GLI2: variants seen among roughly 807,000 people sequenced by gnomAD.
GLI2 encodes the protein GLI family zinc finger 2, also known as transcription activator GLI2.
Under a neutral mutation model 78.9 loss-of-function variants are expected in GLI2, and 22 were observed. The observed-to-expected ratio is 0.28, with a 90% CI of 0.20 to 0.40. The LOEUF is 0.40. Ranked by LOEUF, GLI2 falls within the 10% of genes least tolerant of loss-of-function variation. The pLI, the probability that GLI2 is intolerant of heterozygous loss-of-function variation, is 1.00. For synonymous variants in GLI2, 974 were observed against 963.7 expected (o/e 1.01, Z -0.20); for missense variants, 2,097 against 2,213.2 (o/e 0.95, Z 1.05).
chr2:120,771,427 G>A (rs1396736395), intron 1 of GLI2, among the ~76,000 whole-genome samples: 3 of 152,264 alleles, frequency 2.0e-5, no homozygotes, highest in African/African-American at 7.2e-5. Flanking sequence ...AATGACTGGT[G>A]AGGCTGGCTG....
intron 3 of GLI2, among the ~76,000 whole-genome samples, chr2:120,950,838 G>A (rs1038711632): frequency 6.6e-6 from 1 of 152,154 alleles, no homozygotes; most frequent in African/African-American, 2.4e-5. Flanking sequence ...CGTGGTATTC[G>A]TATTTTCATA....
At chr2:120,974,491 C>T (rs1056606498) in intron 8 of GLI2, among the ~76,000 whole-genome samples, 3 of 152,186 alleles carry the variant, frequency 2.0e-5, no homozygotes, top group African/African-American at 7.2e-5. Context: ...TCCTTCGCCT[C>T]ATTAAAATGG....
intron 2 of GLI2, among the ~76,000 whole-genome samples, chr2:120,896,219 C>T (rs961200624): frequency 6.6e-5 from 10 of 152,108 alleles, no homozygotes; most frequent in African/African-American, 2.2e-4. Flanking sequence ...CCCTTCTTTC[C>T]CCCACCCTCT....
intron 2 of GLI2, among the ~76,000 whole-genome samples, chr2:120,804,199 C>T (rs982324159): frequency 6.6e-6 from 1 of 152,216 alleles, no homozygotes; most frequent in Non-Finnish European, 1.5e-5. Context: ...AAAATCCCCT[C>T]CCACCACCTG....
chr2:120,829,161 C>T (rs903147404), intron 2 of GLI2, among the ~76,000 whole-genome samples: 9 of 152,202 alleles, frequency 5.9e-5, no homozygotes, highest in Non-Finnish European at 7.3e-5. Flanking sequence ...AGCACCCACA[C>T]GCACCCTTCA....
intron 1 of GLI2, among the ~76,000 whole-genome samples, chr2:120,768,828 T>TGTGTGC (rs1016876371): frequency 8.6e-5 from 13 of 150,414 alleles, no homozygotes; most frequent in African/African-American, 2.5e-4. Flanking sequence ...TGTGTGTGTG[T>TGTGTGC]GCGTGTGTGT....
intron 1 of GLI2, among the ~76,000 whole-genome samples, chr2:120,774,872 A>T (rs1259730298): frequency 6.6e-6 from 1 of 152,202 alleles, no homozygotes; most frequent in African/African-American, 2.4e-5. Flanking sequence ...ACACACTGTC[A>T]GCTGTTTGCC....
At chr2:120,971,149 C>T (rs983237101) in intron 7 of GLI2, among the ~76,000 whole-genome samples, 1 of 152,198 alleles carries the variant, frequency 6.6e-6, no homozygotes, top group African/African-American at 2.4e-5. Flanking sequence ...GGGATCCCAA[C>T]TTGCCTGAAA....
Position 120,989,292 on chromosome 2 carries a change from A to C in GLI2, c.3327A>C (p.Gly1109=). The part of the protein sequence containing the change: ...NVGPSAPMLG[G]CQLGFGAPSS... ...GCCCCTCCGCCCCTATGCTGGGAGG[A>C]TGCCAGTTAGGCTTTGGGGCGCCCT... Residue 1109 remains glycine (G), a synonymous_variant, in exon 14 of 14, where the codon GGA becomes GGC. Coordinates refer to ENST00000361492, the MANE Select transcript of GLI2 (RefSeq NM_001374353.1). 1 of 1,613,054 alleles carries C rather than the reference A, an allele frequency of 6.2e-7. No homozygotes were observed. Among genetic ancestry groups the C allele is most frequent in the Non-Finnish European group, 8.5e-7 (1 of 1,180,008 alleles).
chr2:120,974,785 TG>T lies in GLI2; in HGVS notation c.1183-189del. The T allele has an allele frequency of 5.7e-6, 4 of 700,776 alleles. No homozygotes were observed. The South Asian group carries it at 6.4e-5, about 11-fold the overall frequency. The allele number at this position is 700,776 out of a possible 1,614,324, so 43.4% of individuals were successfully genotyped here. On this transcript the variant is annotated intron_variant, in intron 8 of 13. Transcript: ENST00000361492. ...GGAGCTAAAAAGGCTGATGAGTGTG[TG>T]TGTGTGTGTGTGTGTGTCTGCATGC...
intron 1 of GLI2, among the ~76,000 whole-genome samples, chr2:120,738,449 G>A (rs896755551): frequency 6.6e-6 from 1 of 152,202 alleles, no homozygotes; most frequent in African/African-American, 2.4e-5. Flanking sequence ...GTAAGATTTA[G>A]GGTGGTTTTA....
chr2:120,840,992 C>T (rs1686842368), intron 2 of GLI2, among the ~76,000 whole-genome samples: 1 of 152,290 alleles, frequency 6.6e-6, no homozygotes, highest in African/African-American at 2.4e-5. Flanking sequence ...TCTTTCCTTG[C>T]CAGCTGAAAT....
chr2:120,983,946 G>GGTGTGTGTGT (rs5833859), intron 11 of GLI2, among the ~76,000 whole-genome samples: 11 of 143,124 alleles, frequency 7.7e-5, no homozygotes, highest in African/African-American at 2.6e-4. Context: ...TGGTGTGTGG[G>GGTGTGTGTGT]GTGTGTGTGT....
chr2:120,861,331 A>G, intron 2 of GLI2, among the ~76,000 whole-genome samples: 1 of 152,198 alleles, frequency 6.6e-6, no homozygotes, highest in East Asian at 1.9e-4. Flanking sequence ...GGTGTGCCCC[A>G]TGAGAGAAGC....
chr2:120,989,866 G>A lies in GLI2; in HGVS notation c.3901G>A (p.Val1301Ile), dbSNP rs150434714. Residue 1301 changes from valine to isoleucine, a missense_variant, in exon 14 of 14, where the codon GTC becomes ATC. By Grantham distance (29) the Val-to-Ile change is conservative. This residue lies in a region of GLI2 where 1,290 missense variants were observed against 1,261.7 expected (regional missense o/e 1.02). Transcript: ENST00000361492. ...ALAGVPPPHP[V>I]QSYPQQSHHL... ...GGCTGGAGTGCCACCACCTCACCCA[G>A]TCCAGAGCTACCCACAGCAGAGCCA... is the stretch of plus-strand genomic sequence containing the variant. The A allele has an allele frequency of 3.1e-6, 5 of 1,613,072 alleles. No homozygotes were observed. Among genetic ancestry groups the A allele is most frequent in the Non-Finnish European group, 4.2e-6 (5 of 1,179,932 alleles).
At chr2:120,901,305 A>T (rs1678242603) in intron 2 of GLI2, among the ~76,000 whole-genome samples, 1 of 152,256 alleles carries the variant, frequency 6.6e-6, no homozygotes, top group African/African-American at 2.4e-5. Flanking sequence ...CATCATTTAA[A>T]AAGTGTCAGG....
intron 3 of GLI2, among the ~76,000 whole-genome samples, chr2:120,936,046 A>G (rs1316961874): frequency 6.6e-6 from 1 of 152,058 alleles, no homozygotes; most frequent in Non-Finnish European, 1.5e-5. Context: ...GGGATGAACT[A>G]TTCGGTTCCT....
At chr2:120,860,963 G>C (rs1159988482) in intron 2 of GLI2, among the ~76,000 whole-genome samples, 1 of 152,224 alleles carries the variant, frequency 6.6e-6, no homozygotes, top group Non-Finnish European at 1.5e-5. Context: ...GCACACAGGA[G>C]TGTGCAATGG....
intron 2 of GLI2, among the ~76,000 whole-genome samples, chr2:120,881,681 G>T (rs1204888617): frequency 1.0e-5 from 1 of 96,342 alleles, no homozygotes; most frequent in East Asian, 3.3e-4. Context: ...GACGGCAGGT[G>T]GGGGGAGGAT....
Sources: gnomAD v4.1 joint callset for allele counts (sites outside exome capture counted in the v4.1 genomes callset) on GRCh38, gnomAD v4.1.1 for gene constraint, gnomAD v4.1.1 regional missense constraint, MANE v1.5 for transcripts, NCBI Gene and HGNC (gene_info 2026-07-23, HGNC 2026-07-21) for gene names.